Variants in HLCS observed in about 807,000 individuals in gnomAD.
HLCS encodes the protein holocarboxylase synthetase, also known as biotin--protein ligase.
In HLCS, 53 loss-of-function variants were observed where a neutral mutation model predicts 75.0. That is an observed-to-expected ratio of 0.71 (90% CI 0.57 to 0.89). The LOEUF (loss-of-function observed/expected upper bound fraction) is 0.89. Ranked by LOEUF, HLCS falls within the 40% of genes least tolerant of loss-of-function variation. The pLI, the probability that HLCS is intolerant of heterozygous loss-of-function variation, is 0.00. For synonymous variants in HLCS, 431 were observed against 428.6 expected (o/e 1.01, Z -0.07); for missense variants, 966 against 1,074.0 (o/e 0.90, Z 1.41).
intron 5 of HLCS, among the ~76,000 whole-genome samples, chr21:36,928,353 G>A (rs866635708): frequency 4.1e-4 from 63 of 152,272 alleles, no homozygotes; most frequent in African/African-American, 1.5e-3. Context: ...CAGATTGCTT[G>A]AACTCGGGAG....
chr21:36,942,861 C>T (rs182608693), intron 2 of HLCS, among the ~76,000 whole-genome samples: 2 of 151,610 alleles, frequency 1.3e-5, no homozygotes, highest in East Asian at 3.9e-4. Context: ...ACCCCGGAGG[C>T]AGAGCTTGCA....
intron 6 of HLCS, among the ~76,000 whole-genome samples, chr21:36,827,959 T>G (rs7280590): frequency 0.47 from 71,293 of 151,304 alleles, 19,468 homozygotes; most frequent in African/African-American, 0.76. Context: ...GACTACAGGC[T>G]CCCGCCACCA....
chr21:36,885,196 A>C (rs1199202143), intron 6 of HLCS, among the ~76,000 whole-genome samples: 1 of 152,224 alleles, frequency 6.6e-6, no homozygotes, highest in Non-Finnish European at 1.5e-5. Flanking sequence ...TCTTCAAACA[A>C]AAACTCCATT....
intron 6 of HLCS, among the ~76,000 whole-genome samples, chr21:36,834,031 T>C (rs1037942683): frequency 6.6e-6 from 1 of 152,218 alleles, no homozygotes; most frequent in Non-Finnish European, 1.5e-5. Flanking sequence ...AATATAGTAT[T>C]GGTGGGACGC....
intron 6 of HLCS, among the ~76,000 whole-genome samples, chr21:36,830,308 G>T (rs2062157685): frequency 6.6e-6 from 1 of 152,212 alleles, no homozygotes; most frequent in African/African-American, 2.4e-5. Flanking sequence ...CTTTGTCCCA[G>T]CAGCCCTCGC....
At chr21:36,957,993 C>T (rs1601878376) in intron 2 of HLCS, among the ~76,000 whole-genome samples, 2 of 148,606 alleles carry the variant, frequency 1.3e-5, no homozygotes, top group Admixed American at 1.3e-4. Flanking sequence ...TTTGGGAGGC[C>T]GAGGCAGGTG....
At chr21:36,783,825 ACAC>A (rs2145847866) in intron 6 of HLCS, among the ~76,000 whole-genome samples, 1 of 99,450 alleles carries the variant, frequency 1.0e-5, no homozygotes, top group East Asian at 2.6e-4. Flanking sequence ...ATGCACATAC[ACAC>A]ACACACATAC....
chr21:36,861,917 C>T (rs1039201750), intron 6 of HLCS, among the ~76,000 whole-genome samples: 5 of 152,142 alleles, frequency 3.3e-5, no homozygotes, highest in African/African-American at 1.2e-4. Flanking sequence ...ACATTAGCAG[C>T]CACTCCCCAT....
intron 1 of HLCS, among the ~76,000 whole-genome samples, chr21:36,975,791 C>T (rs1356791044): frequency 6.6e-6 from 1 of 151,980 alleles, no homozygotes; most frequent in Non-Finnish European, 1.5e-5. Flanking sequence ...AAGAAAAAGA[C>T]CTTCCATTGG....
At chr21:36,893,292 G>A (rs2064869775) in intron 6 of HLCS, among the ~76,000 whole-genome samples, 2 of 152,084 alleles carry the variant, frequency 1.3e-5, no homozygotes, top group East Asian at 1.9e-4. Context: ...GGCTGGTCTC[G>A]AACTCCTGAC....
At chr21:36,781,587 C>A (rs1345626363) in intron 6 of HLCS, among the ~76,000 whole-genome samples, 1 of 152,004 alleles carries the variant, frequency 6.6e-6, no homozygotes. Flanking sequence ...TTATATCCTG[C>A]TCTATTACTG....
rs145668464 is a variant in HLCS, at chr21:36,756,171, G to A, written c.2450+371C>T. Among the ~76,000 whole-genome samples the A allele has an allele frequency of 7.6e-3, 1,150 of 152,166 alleles. 13 individuals carry two copies. The highest frequency in any genetic ancestry group is 0.026 in the African/African-American group (1,092 of 41,520). On this transcript the variant is annotated intron_variant, in intron 10 of 10. Coordinates refer to ENST00000674895, the MANE Select transcript of HLCS (RefSeq NM_001352514.2). ...TACTGAACTACGGCCGGGCGCGGTG[G>A]CTCACACCTGTAATCCCAGCACTTT... is the stretch of plus-strand genomic sequence containing the variant.
Position 36,937,013 on chromosome 21 carries a change from A to C in HLCS, c.873T>G (p.Asp291Glu). ...DYSSSLESVA[D>E]ETSPEREGRR... ...TCCCTTCTCTTTCGGGGGAGGTCTCATCAGCAACACTCTCCAAACTGCTGC... is the reference window on the plus strand; with the variant it reads ...TCCCTTCTCTTTCGGGGGAGGTCTCCTCAGCAACACTCTCCAAACTGCTGC... The change falls in exon 4 of 11, where the codon GAT becomes GAG. Residue 291 changes from aspartate to glutamate, a missense_variant. Transcript: ENST00000674895. The C allele has an allele frequency of 6.2e-7, 1 of 1,614,058 alleles. No individual in the cohort carries two copies.
intron 5 of HLCS, among the ~76,000 whole-genome samples, chr21:36,899,261 T>C (rs1740397834): frequency 6.6e-6 from 1 of 152,112 alleles, no homozygotes; most frequent in Non-Finnish European, 1.5e-5. Flanking sequence ...CTCTATTCTT[T>C]TCCATGTTTG....
At position 36,923,577 on chromosome 21, in the gene HLCS, G is replaced by A. The variant is rs887542264; in HGVS notation, c.1620+6674C>T. Reference sequence around the variant, plus strand: ...TAATTAAACGTGGAAAACAACAAAAGCGTTTGTGCAGATTTCCCACAAGCA... The same window carrying A: ...TAATTAAACGTGGAAAACAACAAAAACGTTTGTGCAGATTTCCCACAAGCA... On this transcript the variant is annotated intron_variant, in intron 5 of 10. Coordinates refer to ENST00000674895, the MANE Select transcript of HLCS (RefSeq NM_001352514.2). 3.3e-5 allele frequency among the ~76,000 whole-genome samples: 5 copies of A among 152,176 alleles called. 1 individual carries two copies. The highest frequency in any genetic ancestry group is 3.3e-4 in the Admixed American group (5 of 15,280).
intron 1 of HLCS, among the ~76,000 whole-genome samples, chr21:36,963,288 G>GA (rs1330818352): frequency 1.3e-5 from 2 of 152,150 alleles, no homozygotes; most frequent in Non-Finnish European, 2.9e-5. Context: ...AATCTGAGCG[G>GA]GGTATGCAGG....
intron 2 of HLCS, among the ~76,000 whole-genome samples, chr21:36,952,520 G>C (rs566158194): frequency 4.6e-5 from 7 of 152,088 alleles, no homozygotes; most frequent in African/African-American, 1.7e-4. Flanking sequence ...ACGGCCGAGC[G>C]CGGTGGCTCA....
At chr21:36,900,639 G>C (rs991071218) in intron 5 of HLCS, among the ~76,000 whole-genome samples, 2 of 152,144 alleles carry the variant, frequency 1.3e-5, no homozygotes, top group Non-Finnish European at 2.9e-5. Context: ...GTTGAGAAGA[G>C]CCTGAAGGGG....
At chr21:36,841,490 C>A (rs890388478) in intron 6 of HLCS, among the ~76,000 whole-genome samples, 5 of 152,214 alleles carry the variant, frequency 3.3e-5, no homozygotes, top group African/African-American at 1.2e-4. Flanking sequence ...ATCTAGAAGC[C>A]ACATAACGCA....
Sources: gnomAD v4.1 joint callset for allele counts (sites outside exome capture counted in the v4.1 genomes callset) on GRCh38, gnomAD v4.1.1 for gene constraint, MANE v1.5 for transcripts, NCBI Gene and HGNC (gene_info 2026-07-23, HGNC 2026-07-21) for gene names.